The following MARCHF3 variants were observed in gnomAD, a reference collection of about 807,000 sequenced individuals.
MARCHF3 encodes membrane associated ring-CH-type finger 3, also known as E3 ubiquitin-protein ligase MARCHF3.
Under a neutral mutation model 24.2 loss-of-function variants are expected in MARCHF3, and 13 were observed. The observed-to-expected ratio is 0.54, with a 90% CI of 0.35 to 0.85. The LOEUF (loss-of-function observed/expected upper bound fraction) is 0.85, where lower values mean the gene tolerates loss of function less well. Among genes scored for constraint, MARCHF3 ranks in the 40% least tolerant of loss-of-function variants. The pLI is 0.01. For synonymous variants in MARCHF3, 144 were observed against 137.3 expected, an observed-to-expected ratio of 1.05 and a Z score of -0.34; for missense variants, 276 against 325.0, an observed-to-expected ratio of 0.85 and a Z score of 1.16.
intron 3 of MARCHF3, among the ~76,000 whole-genome samples, chr5:126,903,659 T>C (rs1754182021): frequency 6.6e-6 from 1 of 152,048 alleles, no homozygotes; most frequent in Admixed American, 6.6e-5. Context: ...AATCTCTATA[T>C]AATCTATCTG....
intron 1 of MARCHF3, among the ~76,000 whole-genome samples, chr5:127,000,274 C>A (rs1752084839): frequency 7.2e-6 from 1 of 138,176 alleles, no homozygotes; most frequent in African/African-American, 2.6e-5. Flanking sequence ...AAAAAAAATG[C>A]CTGTTCTCAC....
intron 3 of MARCHF3, among the ~76,000 whole-genome samples, chr5:126,895,569 C>T (rs1210351231): frequency 2.0e-5 from 3 of 152,100 alleles, no homozygotes; most frequent in African/African-American, 7.2e-5. Flanking sequence ...GAATACCCTG[C>T]AGTGTGAGGT....
At position 127,007,764 on chromosome 5, in the gene MARCHF3, T is replaced by C. The variant is rs1375424550; in HGVS notation, c.-57+22586A>G. 2.0e-5 allele frequency among the ~76,000 whole-genome samples: 3 copies of C among 152,168 alleles called. 1 individual carries two copies. The highest frequency in any genetic ancestry group is 7.2e-5 in the African/African-American group (3 of 41,434). On this transcript the variant is annotated intron_variant, in intron 1 of 4. Transcript: ENST00000308660. ...GATGACATCTTCAATCACATTTTGTTTTTGTTTTTATTCTACTTTTGTCAG... is the reference window on the plus strand; with the variant it reads ...GATGACATCTTCAATCACATTTTGTCTTTGTTTTTATTCTACTTTTGTCAG...
chr5:126,919,624 A>G (rs1749032219), intron 1 of MARCHF3, among the ~76,000 whole-genome samples: 1 of 152,194 alleles, frequency 6.6e-6, no homozygotes, highest in South Asian at 2.1e-4. Flanking sequence ...ATGTGCATCA[A>G]CTGGATGTTC....
chr5:126,989,039 C>A (rs990160190), intron 1 of MARCHF3, among the ~76,000 whole-genome samples: 2 of 152,104 alleles, frequency 1.3e-5, no homozygotes, highest in African/African-American at 4.8e-5. Context: ...TACAATAGGA[C>A]TAGGCTGAGG....
chr5:126,913,829 A>C (rs1191856090), intron 3 of MARCHF3, among the ~76,000 whole-genome samples: 1 of 152,106 alleles, frequency 6.6e-6, no homozygotes, highest in Non-Finnish European at 1.5e-5. Context: ...GATTTCCAGC[A>C]CTAGTTTTCA....
intron 4 of MARCHF3, among the ~76,000 whole-genome samples, chr5:126,876,955 C>T (rs1396597664): frequency 1.3e-5 from 2 of 152,170 alleles, no homozygotes; most frequent in Admixed American, 1.3e-4. Flanking sequence ...CAGCTGGAAG[C>T]GTAGACTTCT....
intron 1 of MARCHF3, among the ~76,000 whole-genome samples, chr5:127,009,306 G>T (rs910498346): frequency 4.6e-5 from 7 of 152,114 alleles, no homozygotes; most frequent in African/African-American, 1.7e-4. Flanking sequence ...ATGTCATTCA[G>T]TATTTATTTC....
rs1212170088 is a variant in MARCHF3, at chr5:127,022,800, CT to C, written c.-57+7549del. On this transcript the variant is annotated intron_variant, in intron 1 of 4. Coordinates refer to ENST00000308660, the MANE Select transcript of MARCHF3 (RefSeq NM_178450.5). ...TATGTGGGCTTAAACATTTAAGTAC[CT>C]CCTAGGCTTAACCATTCAATTCTCT... is the stretch of plus-strand genomic sequence containing the variant. 5.3e-5 allele frequency among the ~76,000 whole-genome samples: 8 copies of C among 152,132 alleles called. No homozygotes were observed. The East Asian group carries it at 1.5e-3, about 29-fold the overall frequency.
At chr5:126,968,844 C>T (rs1354655177) in intron 1 of MARCHF3, among the ~76,000 whole-genome samples, 3 of 152,090 alleles carry the variant, frequency 2.0e-5, no homozygotes, top group Admixed American at 6.6e-5. Flanking sequence ...TGTGAGCTAC[C>T]GTGCCTAGCC....
At chr5:126,885,145 C>T (rs1425769969) in intron 3 of MARCHF3, among the ~76,000 whole-genome samples, 2 of 152,222 alleles carry the variant, frequency 1.3e-5, no homozygotes, top group African/African-American at 2.4e-5. Flanking sequence ...CTCTCTGAAA[C>T]GATGCTATTT....
intron 1 of MARCHF3, among the ~76,000 whole-genome samples, chr5:126,930,046 G>A (rs890236369): frequency 6.6e-6 from 1 of 151,992 alleles, no homozygotes; most frequent in African/African-American, 2.4e-5. Context: ...TTAGCAGCAT[G>A]AGAATAGACT....
intron 3 of MARCHF3, among the ~76,000 whole-genome samples, chr5:126,882,255 C>A (rs1169972358): frequency 2.0e-5 from 3 of 152,186 alleles, no homozygotes. Flanking sequence ...GGTTTTTTAA[C>A]TTTTCAGCTA....
At chr5:126,937,142 C>T (rs961684218) in intron 1 of MARCHF3, among the ~76,000 whole-genome samples, 1 of 152,236 alleles carries the variant, frequency 6.6e-6, no homozygotes, top group Non-Finnish European at 1.5e-5. Flanking sequence ...AGCTACAGAG[C>T]ACTGCAGCAA....
chr5:126,988,153 G>C (rs1354853408), intron 1 of MARCHF3, among the ~76,000 whole-genome samples: 1 of 151,952 alleles, frequency 6.6e-6, no homozygotes, highest in African/African-American at 2.4e-5. Context: ...TAAATCCTTT[G>C]AATCCCCTTA....
At chr5:126,882,387 T>C (rs772650605) in intron 3 of MARCHF3, among the ~76,000 whole-genome samples, 1 of 152,248 alleles carries the variant, frequency 6.6e-6, no homozygotes, top group African/African-American at 2.4e-5. Context: ...TGTTCTGGTC[T>C]GTGTCAATTC....
Position 126,874,549 on chromosome 5 carries a change from G to A in MARCHF3, c.603+3636C>T, listed in dbSNP as rs184633941. Among the ~76,000 whole-genome samples the A allele has an allele frequency of 1.7e-3, 255 of 149,374 alleles. 1 individual carries two copies. The Middle Eastern group carries it at 0.021, about 12-fold the overall frequency. ...TGCGGTGATCTCGGCTCACACCACTGCACTGCAGCCTGGGCAACAAGAGCG... is the reference window on the plus strand; with the variant it reads ...TGCGGTGATCTCGGCTCACACCACTACACTGCAGCCTGGGCAACAAGAGCG... On this transcript the variant is annotated intron_variant, in intron 4 of 4. Transcript: ENST00000308660.
At chr5:126,966,900 A>T (rs2126826109) in intron 1 of MARCHF3, among the ~76,000 whole-genome samples, 1 of 20,174 alleles carries the variant, frequency 5.0e-5, no homozygotes, top group African/African-American at 1.6e-4. Context: ...TTGGGCTGTG[A>T]GAGCCTTTTT....
chr5:127,018,002 G>T (rs1048964237), intron 1 of MARCHF3, among the ~76,000 whole-genome samples: 2 of 152,138 alleles, frequency 1.3e-5, no homozygotes, highest in Non-Finnish European at 2.9e-5. Flanking sequence ...TTACAAAACA[G>T]GGTCTCTACC....
Sources: allele counts gnomAD v4.1 joint callset (sites outside exome capture counted in the v4.1 genomes callset), GRCh38; gene constraint gnomAD v4.1.1; transcripts MANE v1.5; gene names NCBI Gene and HGNC (gene_info 2026-07-23, HGNC 2026-07-21).